SERPINB12: variants seen among roughly 807,000 people sequenced by gnomAD.
The protein encoded by SERPINB12 is serpin family B member 12.
In SERPINB12, 57 loss-of-function variants were observed where a neutral mutation model predicts 41.1. The observed-to-expected ratio is 1.39, with a 90% CI of 1.12 to 1.73. The LOEUF is 1.73. Ranked by LOEUF, SERPINB12 falls within the 40% of genes most tolerant of loss-of-function variation. The pLI is 0.00. For missense variants in SERPINB12, 536 were observed against 501.9 expected, an observed-to-expected ratio of 1.07 and a Z score of -0.65; for synonymous variants, 180 against 181.3, an observed-to-expected ratio of 0.99 and a Z score of 0.06.
the SERPINB12 span, among the ~76,000 whole-genome samples, chr18:63,535,539 A>G: frequency 6.6e-6 from 1 of 152,210 alleles, no homozygotes; most frequent in Non-Finnish European, 1.5e-5. Context: ...AGTCAAAGAA[A>G]GGCACAGAAA....
At chr18:63,525,571 T>C in the SERPINB12 span, among the ~76,000 whole-genome samples, 8 of 152,206 alleles carry the variant, frequency 5.3e-5, no homozygotes, top group African/African-American at 1.9e-4. Context: ...ATTTTTCATA[T>C]TGGAAATGAC....
chr18:63,556,468 A>G, intron 2 of SERPINB12, 141 bp downstream of exon 2: 1 of 616,766 alleles, frequency 1.6e-6, no homozygotes, highest in Non-Finnish European at 2.7e-6. Context: ...CTGAGTCTTT[A>G]TTTGTATTTT....
rs1568133987 is a variant in SERPINB12, at chr18:63,566,947, TC to T, written c.1215del (p.Phe407SerfsTer46). 1 of 1,613,608 alleles carries T rather than the reference TC, an allele frequency of 6.2e-7. No individual in the cohort carries two copies. Among genetic ancestry groups the T allele is most frequent in the Non-Finnish European group, 8.5e-7 (1 of 1,179,882 alleles). ...GAGTTTAATGCCAACCACCCTTTTC[TC>T]TTTTTCATTAGACACAACAAAACCC... The part of the protein sequence containing the change: ...WVEFNANHPF[L>X]FFIRHNKTQT... On this transcript the variant is annotated frameshift_variant, in exon 8 of 8. Coordinates refer to ENST00000382768, the MANE Select transcript of SERPINB12 (RefSeq NM_001307928.2). LOFTEE classifies it high-confidence loss of function.
the SERPINB12 span, among the ~76,000 whole-genome samples, chr18:63,524,110 A>G: frequency 4.0e-5 from 6 of 151,882 alleles, no homozygotes; most frequent in African/African-American, 1.5e-4. Context: ...AAAATTCAGA[A>G]TTAAAAGAAA....
In SERPINB12 at chr18:63,559,734, A is replaced by C; in HGVS notation, c.444+16A>C. 6.2e-7 allele frequency: 1 copy of C among 1,613,610 alleles called. No individual in the cohort carries two copies. The highest frequency in any genetic ancestry group is 1.3e-5 in the African/African-American group (1 of 75,048). On this transcript the variant is annotated intron_variant, in intron 4 of 7. Transcript: ENST00000382768. ...AATCTGTCAGGTGAGTTGCACACGA[A>C]TGGTGACTAAAGCTACCATGTAGCA... is the stretch of plus-strand genomic sequence containing the variant.
At position 63,567,070 on chromosome 18, in the gene SERPINB12, T is replaced by C. The variant is rs999562285; in HGVS notation, c.*59T>C. On this transcript the variant is annotated 3_prime_UTR_variant, in exon 8 of 8. Coordinates refer to ENST00000382768, the MANE Select transcript of SERPINB12 (RefSeq NM_001307928.2). ...GGAAAATATCAATACAATCTTCCCC[T>C]GGCATAAGATGGGCATTTGAGTTTT... is the stretch of plus-strand genomic sequence containing the variant. The C allele has an allele frequency of 4.1e-6, 6 of 1,475,572 alleles. No homozygotes were observed. Among genetic ancestry groups the C allele is most frequent in the Admixed American group, 2.3e-5 (1 of 43,428 alleles). 91.4% of individuals were successfully genotyped at this position (1,475,572 alleles called of 1,614,324 possible).
upstream of SERPINB12, among the ~76,000 whole-genome samples, chr18:63,538,651 A>G (rs933737888): frequency 1.3e-5 from 2 of 152,136 alleles, no homozygotes; most frequent in African/African-American, 4.8e-5. Flanking sequence ...TGCTATGAAC[A>G]TTTGTGTACA....
Position 63,566,642 on chromosome 18 carries a change from C to T in SERPINB12, c.909C>T (p.Ala303=). ...ERKITYEKMV[A]WSSSENMSEE... is the part of the protein sequence containing the mutation. ...AAATCACCTATGAAAAAATGGTGGCCTGGAGCAGCTCAGAAAACATGTCAG... is the reference window on the plus strand; with the variant it reads ...AAATCACCTATGAAAAAATGGTGGCTTGGAGCAGCTCAGAAAACATGTCAG... Residue 303 remains alanine (A), a synonymous_variant, in exon 8 of 8, where the codon GCC becomes GCT. Coordinates refer to ENST00000382768, the MANE Select transcript of SERPINB12 (RefSeq NM_001307928.2). 6.2e-7 allele frequency: 1 copy of T among 1,612,586 alleles called. No homozygotes were observed. Among genetic ancestry groups the T allele is most frequent in the Non-Finnish European group, 8.5e-7 (1 of 1,179,684 alleles).
At chr18:63,550,239 G>T (rs1277405797) in intron 1 of SERPINB12, among the ~76,000 whole-genome samples, 4 of 152,152 alleles carry the variant, frequency 2.6e-5, no homozygotes, top group Admixed American at 2.6e-4. Context: ...TCACTAAGAG[G>T]CAGCCTGTGT....
At chr18:63,538,121 C>CTTGG (rs1910209199), upstream of SERPINB12, among the ~76,000 whole-genome samples, 1 of 152,096 alleles carries the variant, frequency 6.6e-6, no homozygotes, top group Non-Finnish European at 1.5e-5. Context: ...CTTTAGGCAC[C>CTTGG]AGGACTTCTG....
At chr18:63,527,328 C>T in the SERPINB12 span, among the ~76,000 whole-genome samples, 2 of 152,148 alleles carry the variant, frequency 1.3e-5, no homozygotes, top group Non-Finnish European at 2.9e-5. Context: ...CCTGTTTGAC[C>T]TGGAAGCTTT....
chr18:63,559,557 T>G (rs765783384), intron 3 of SERPINB12, 21 bp from the exon 4 acceptor site: 15 of 1,613,350 alleles, frequency 9.3e-6, no homozygotes, highest in Non-Finnish European at 1.3e-5. Context: ...GAAGGTCACA[T>G]TTTGTTTCTT....
At chr18:63,551,517 G>T (rs954426268) in intron 1 of SERPINB12, among the ~76,000 whole-genome samples, 7 of 151,860 alleles carry the variant, frequency 4.6e-5, no homozygotes, top group African/African-American at 1.5e-4. Context: ...TAGAAACGGG[G>T]TTTCACCATG....
intron 4 of SERPINB12, 50 bp from the exon 5 acceptor site, chr18:63,561,023 CTAACTACGAGCA>C: frequency 9.1e-7 from 1 of 1,095,050 alleles, no homozygotes; most frequent in Non-Finnish European, 1.4e-6. Flanking sequence ...AGTCTCACTC[CTAACTACGAGCA>C]TCACTGCCTG....
chr18:63,538,781 G>C (rs1221019847), upstream of SERPINB12, among the ~76,000 whole-genome samples: 3 of 152,134 alleles, frequency 2.0e-5, no homozygotes, highest in African/African-American at 7.2e-5. Flanking sequence ...GTTTTCCAAA[G>C]TGGCTGCATC....
At position 63,565,532 on chromosome 18, in the gene SERPINB12, A is replaced by G. The variant is rs778429159; in HGVS notation, c.793A>G (p.Met265Val). 3.2e-5 allele frequency: 51 copies of G among 1,614,036 alleles called. No individual in the cohort carries two copies. The highest frequency in any genetic ancestry group is 4.1e-5 in the Non-Finnish European group (48 of 1,180,014). The part of the protein sequence containing the change: ...IEEVKAQILE[M>V]RYTKGKLSMF... ...GGAGGTGAAGGCACAGATCCTGGAA[A>G]TGAGGTACACCAAGGGGAAGCTCAG... The change falls in exon 7 of 8, where the codon ATG becomes GTG. Residue 265 changes from methionine to valine, a missense_variant. Met to Val is a conservative substitution (Grantham distance 21). Transcript: ENST00000382768.
At position 63,567,790 on chromosome 18, in the gene SERPINB12, C is replaced by T. The variant is rs1404042024; in HGVS notation, c.*779C>T. On this transcript the variant is annotated 3_prime_UTR_variant, in exon 8 of 8. Transcript: ENST00000382768. ...TTCCCTCTGTCTCTCCTCCCCCTAGCTCCAAGAATTCCCACCTGTGGCTAG... is the reference window on the plus strand; with the variant it reads ...TTCCCTCTGTCTCTCCTCCCCCTAGTTCCAAGAATTCCCACCTGTGGCTAG... Among the ~76,000 whole-genome samples the T allele has an allele frequency of 6.6e-6, 1 of 152,236 alleles. No individual in the cohort carries two copies. Among genetic ancestry groups the T allele is most frequent in the Non-Finnish European group, 1.5e-5 (1 of 68,036 alleles).
chr18:63,546,074 G>A (rs1910380483), intron 1 of SERPINB12, among the ~76,000 whole-genome samples: 1 of 151,946 alleles, frequency 6.6e-6, no homozygotes, highest in South Asian at 2.1e-4. Flanking sequence ...TTCCATAAAG[G>A]CCATCTCTCC....
At chr18:63,529,120 T>C in the SERPINB12 span, among the ~76,000 whole-genome samples, 2 of 152,196 alleles carry the variant, frequency 1.3e-5, no homozygotes, top group African/African-American at 4.8e-5. Flanking sequence ...GAAAATTCTC[T>C]AAATAAAAAT....
Sources: gnomAD v4.1 joint callset for allele counts (sites outside exome capture counted in the v4.1 genomes callset) on GRCh38, gnomAD v4.1.1 for gene constraint, MANE v1.5 for transcripts, NCBI Gene and HGNC (gene_info 2026-07-23, HGNC 2026-07-21) for gene names.